STRC: variants seen among roughly 807,000 people sequenced by gnomAD.
STRC encodes stereocilin.
STRC carries 43 observed loss-of-function variants against 103.5 expected under a neutral mutation model. That is an observed-to-expected ratio of 0.42 (90% confidence interval 0.33 to 0.54). The LOEUF (loss-of-function observed/expected upper bound fraction) is 0.54, where lower values mean the gene tolerates loss of function less well. Among genes scored for constraint, STRC ranks in the 20% least tolerant of loss-of-function variants. The pLI is 0.14. For missense variants in STRC, 499 were observed against 1,088.5 expected (o/e 0.46, Z 7.62); for synonymous variants, 186 against 442.3 (o/e 0.42, Z 7.27).
chr15:43,601,396 C>T lies in STRC; in HGVS notation c.4701G>A (p.Gln1567=). 1.2e-6 allele frequency: 2 copies of T among 1,613,266 alleles called. No homozygotes were observed. Among genetic ancestry groups the T allele is most frequent in the South Asian group, 2.2e-5 (2 of 91,038 alleles). ...LGQIDGWSTT[Q]LRIVVSSFLR... Reference sequence around the variant, plus strand: ...CCGTAGGGAGGAGGAAAAGTGTTACCTGAGTGGTGCTCCAGCCATCTATCT... The same window carrying T: ...CCGTAGGGAGGAGGAAAAGTGTTACTTGAGTGGTGCTCCAGCCATCTATCT... Residue 1567 remains glutamine, a splice_region_variant and synonymous_variant, in exon 24 of 29, where the codon CAG becomes CAA. Transcript: ENST00000450892.
At chr15:43,600,412 C>G (rs2085655634) in intron 26 of STRC, 119 bp from the exon 27 acceptor site, 3 of 1,472,836 alleles carry the variant, frequency 2.0e-6, no homozygotes, top group Non-Finnish European at 1.9e-6. Flanking sequence ...CAATATGTCT[C>G]TAGCCCCTTA....
rs1479015276 is a variant in STRC, at chr15:43,603,230, T to C, written c.4545+12A>G. ...CCTCATGGCCAACCCCAGTTGGCTC[T>C]CCATCCCTAACCTGTTTTGCTTTGC... On this transcript the variant is annotated intron_variant, in intron 23 of 28. Coordinates refer to ENST00000450892, the MANE Select transcript of STRC (RefSeq NM_153700.2). 1.2e-6 allele frequency: 2 copies of C among 1,612,944 alleles called. No individual in the cohort carries two copies. The highest frequency in any genetic ancestry group is 2.7e-5 in the African/African-American group (2 of 74,832).
Position 43,604,772 on chromosome 15 carries a change from C to G in STRC, c.4005G>C (p.Glu1335Asp), listed in dbSNP as rs753036249. Residue 1335 changes from glutamate (E) to aspartate (D), a missense_variant, in exon 20 of 29, where the codon GAG becomes GAC. Coordinates refer to ENST00000450892, the MANE Select transcript of STRC (RefSeq NM_153700.2). ...TCTGTAGGGGGATCTGTCGTGTGCT[C>G]TCTGTCCCCAGGAATCCAACCAAAG... ...LGPLVGFLGT[E>D]STRQIPLQIL... The G allele has an allele frequency of 6.2e-7, 1 of 1,613,484 alleles. No homozygotes were observed. The highest frequency in any genetic ancestry group is 8.5e-7 in the Non-Finnish European group (1 of 1,179,658).
intron 23 of STRC, among the ~76,000 whole-genome samples, chr15:43,602,121 C>CA (rs35561492): frequency 0.32 from 11,795 of 36,448 alleles, 2,035 homozygotes; most frequent in African/African-American, 0.43. Flanking sequence ...GACTCTGTCT[C>CA]AAAAAAAAAA....
intron 22 of STRC, 82 bp from the exon 23 acceptor site, chr15:43,603,493 C>G: frequency 2.1e-6 from 3 of 1,455,102 alleles, no homozygotes; most frequent in Non-Finnish European, 2.9e-6. Context: ...AGTGAGTCTT[C>G]CAACCTTTGG....
intron 22 of STRC, 189 bp from the exon 23 acceptor site, chr15:43,603,600 C>A: frequency 1.4e-6 from 1 of 714,654 alleles, no homozygotes; most frequent in Non-Finnish European, 2.4e-6. Context: ...ATTGGAGATG[C>A]CAAGACTTTT....
Position 43,601,450 on chromosome 15 carries a change from C to T in STRC, c.4647G>A (p.Val1549=), listed in dbSNP as rs1461589747. 6.2e-7 allele frequency: 1 copy of T among 1,613,778 alleles called. No individual in the cohort carries two copies. The highest frequency in any genetic ancestry group is 1.3e-5 in the African/African-American group (1 of 74,958). The change falls in exon 24 of 29, where the codon GTG becomes GTA. Residue 1549 remains valine (V), a synonymous_variant. Transcript: ENST00000450892. ...GDRELQELIL[V]DWGVLSTLGQ... is the part of the protein sequence containing the mutation. ...CCAGGGTGCTCAGCACTCCCCAGTC[C>T]ACTAGGATCAGCTCCTGTAGTTCCC...
At chr15:43,602,121 CAA>C (rs35561492) in intron 23 of STRC, among the ~76,000 whole-genome samples, 58 of 38,274 alleles carry the variant, frequency 1.5e-3, no homozygotes, top group South Asian at 9.5e-3. Context: ...GACTCTGTCT[CAA>C]AAAAAAAAAA....
In STRC at chr15:43,603,229, C is replaced by G. The variant is rs751323934; in HGVS notation, c.4545+13G>C. 3.1e-6 allele frequency: 5 copies of G among 1,613,012 alleles called. No individual in the cohort carries two copies. The South Asian group carries it at 4.4e-5, about 14-fold the overall frequency. On this transcript the variant is annotated intron_variant, in intron 23 of 28. Coordinates refer to ENST00000450892, the MANE Select transcript of STRC (RefSeq NM_153700.2). ...TCCTCATGGCCAACCCCAGTTGGCTCTCCATCCCTAACCTGTTTTGCTTTG... is the reference window on the plus strand; with the variant it reads ...TCCTCATGGCCAACCCCAGTTGGCTGTCCATCCCTAACCTGTTTTGCTTTG...
chr15:43,604,369 T>A lies in STRC; in HGVS notation c.4210A>T (p.Ile1404Phe). Reference protein sequence around the residue: ...FTLSTEAISLIPREALGPETL... With the variant: ...FTLSTEAISLFPREALGPETL... The stretch of plus-strand genomic sequence containing the variant: ...TTCTTCCTTCATCTCACCCTGGGGA[T>A]CAAGGAAATTGCCTCAGTAGACAGA... The change falls in exon 21 of 29, where the codon ATC becomes TTC. Residue 1404 changes from isoleucine (I) to phenylalanine (F), a missense_variant. Coordinates refer to ENST00000450892, the MANE Select transcript of STRC (RefSeq NM_153700.2). The A allele has an allele frequency of 5.1e-6, 8 of 1,571,190 alleles. No homozygotes were observed. The highest frequency in any genetic ancestry group is 6.9e-6 in the Non-Finnish European group (8 of 1,154,322).
intron 23 of STRC, among the ~76,000 whole-genome samples, chr15:43,602,146 A>G (rs2085674998): frequency 6.7e-6 from 1 of 149,130 alleles, no homozygotes; most frequent in Non-Finnish European, 1.5e-5. Context: ...AAAAAAAAAA[A>G]GGAGATGCAG....
chr15:43,601,250 G>T, intron 24 of STRC, 146 bp downstream of exon 24: 3 of 1,313,344 alleles, frequency 2.3e-6, no homozygotes, highest in Non-Finnish European at 3.2e-6. Context: ...AGTCCTGAAG[G>T]TCACTAGTAT....
intron 19 of STRC, 60 bp from the exon 20 acceptor site, chr15:43,604,906 G>C (rs890784644): frequency 1.9e-6 from 3 of 1,562,256 alleles, no homozygotes; most frequent in African/African-American, 2.7e-5. Context: ...CAGACACCTT[G>C]ATCAAGACAC....
At chr15:43,603,506 G>T (rs1467227110) in intron 22 of STRC, 95 bp from the exon 23 acceptor site, 1 of 1,326,334 alleles carries the variant, frequency 7.5e-7, no homozygotes, top group Non-Finnish European at 1.1e-6. Flanking sequence ...ACCTTTGGAG[G>T]ATAGAGCACT....
At position 43,601,476 on chromosome 15, in the gene STRC, G is replaced by C. The variant is rs1284887822; in HGVS notation, c.4621C>G (p.Arg1541Gly). 1 of 1,613,606 alleles carries C rather than the reference G, an allele frequency of 6.2e-7. No individual in the cohort carries two copies. Among genetic ancestry groups the C allele is most frequent in the Non-Finnish European group, 8.5e-7 (1 of 1,179,844 alleles). Residue 1541 changes from arginine to glycine, a missense_variant, in exon 24 of 29, where the codon CGG becomes GGG. Physicochemically the swap from Arg to Gly is moderately radical, Grantham distance 125. Coordinates refer to ENST00000450892, the MANE Select transcript of STRC (RefSeq NM_153700.2). ...LGRLLIGLGD[R>G]ELQELILVDW... ...ACTAGGATCAGCTCCTGTAGTTCCC[G>C]ATCTCCTAGACCTATTAAGAGCCTA...
At chr15:43,609,781 T>C (rs1169688020) in intron 15 of STRC, 1 of 200,328 alleles carries the variant, frequency 5.0e-6, no homozygotes, top group Non-Finnish European at 9.8e-6. Flanking sequence ...CCCAGCACTT[T>C]GAGAGGCAGA....
intron 16 of STRC, among the ~76,000 whole-genome samples, chr15:43,608,776 T>TGTAA (rs1324433828): frequency 6.9e-6 from 1 of 145,736 alleles, no homozygotes; most frequent in Non-Finnish European, 1.5e-5. Flanking sequence ...CTAATGTGGG[T>TGTAA]GTAAGTAAAG....
intron 25 of STRC, 83 bp downstream of exon 25, chr15:43,600,789 G>C: frequency 6.2e-7 from 1 of 1,613,056 alleles, no homozygotes; most frequent in Non-Finnish European, 8.5e-7. Context: ...TTCCTCCATG[G>C]GACCAGACCT....
chr15:43,605,274 A>G lies in STRC; in HGVS notation c.3920T>C (p.Leu1307Pro). The change falls in exon 19 of 29, where the codon CTA (leucine) becomes CCA (proline). Residue 1307 changes from leucine (L) to proline (P), a missense_variant. By Grantham distance (98) the Leu-to-Pro change is moderately conservative (BLOSUM62 -3). Transcript: ENST00000450892. ...AGGGTGGACTCTTACCAGGTTTTGT[A>G]GTGCCCTCTCTGCCAGGGCTGCCTG... ...LHQAALAERA[L>P]QNLAPKETPV... 2 of 1,587,182 alleles carry G rather than the reference A, an allele frequency of 1.3e-6. No homozygotes were observed. The highest frequency in any genetic ancestry group is 1.8e-5 in the Admixed American group (1 of 55,506).
Sources: gnomAD v4.1 joint callset for allele counts (sites outside exome capture counted in the v4.1 genomes callset) on GRCh38, gnomAD v4.1.1 for gene constraint, MANE v1.5 for transcripts, NCBI Gene and HGNC (gene_info 2026-07-23, HGNC 2026-07-21) for gene names.